RABGAP1: variants seen among roughly 807,000 people sequenced by gnomAD.
The protein encoded by RABGAP1 is RAB GTPase activating protein 1.
A neutral mutation model predicts 137.6 loss-of-function variants in RABGAP1; 23 were observed. That is an observed-to-expected ratio of 0.17 (90% CI 0.12 to 0.24). RABGAP1 has a LOEUF of 0.24. Among genes scored for constraint, RABGAP1 ranks in the 10% least tolerant of loss-of-function variants. RABGAP1 has a pLI of 1.00. For missense variants in RABGAP1, 906 were observed against 1,275.8 expected (o/e 0.71, Z 4.42); for synonymous variants, 451 against 450.7 (o/e 1.00, Z -0.01).
chr9:122,964,011 C>T (rs758981836), intron 2 of RABGAP1, among the ~76,000 whole-genome samples: 5 of 151,918 alleles, frequency 3.3e-5, no homozygotes, highest in Admixed American at 6.6e-5. Context: ...ATTTCTAGAG[C>T]GACACTAACA....
chr9:123,010,575 T>C, intron 11 of RABGAP1, 47 bp downstream of exon 11: 2 of 1,526,408 alleles, frequency 1.3e-6, no homozygotes, highest in African/African-American at 2.7e-5. Context: ...TGGAAGACCA[T>C]GCAAACTATT....
intron 13 of RABGAP1, among the ~76,000 whole-genome samples, chr9:123,026,767 C>T (rs190383953): frequency 2.8e-4 from 43 of 152,292 alleles, no homozygotes; most frequent in Non-Finnish European, 4.7e-4. Flanking sequence ...TTCTTGTTCC[C>T]GGCTTCCAGA....
At chr9:122,981,826 A>T (rs1019366612) in intron 2 of RABGAP1, among the ~76,000 whole-genome samples, 3 of 152,200 alleles carry the variant, frequency 2.0e-5, no homozygotes, top group African/African-American at 7.2e-5. Context: ...AGGTGGGTGG[A>T]TCACTTGAGG....
intron 19 of RABGAP1, among the ~76,000 whole-genome samples, chr9:123,081,329 C>T (rs775510123): frequency 3.3e-5 from 5 of 152,284 alleles, no homozygotes; most frequent in East Asian, 1.9e-4. Flanking sequence ...GCCCCTAACT[C>T]GTGTTGTTCA....
chr9:123,020,419 A>G lies in RABGAP1; in HGVS notation c.1754A>G (p.Asn585Ser), dbSNP rs1268661258. 6.2e-6 allele frequency: 10 copies of G among 1,606,550 alleles called. No homozygotes were observed. Among genetic ancestry groups the G allele is most frequent in the East Asian group, 2.2e-5 (1 of 44,676 alleles). The change falls in exon 13 of 26, where the codon AAT becomes AGT. Residue 585 changes from asparagine (N) to serine (S), a missense_variant. By Grantham distance (46) the Asn-to-Ser change is conservative. Coordinates refer to ENST00000373647, the MANE Select transcript of RABGAP1 (RefSeq NM_012197.4). ...CAGCTGCTAGCAGGCTGTCATAACAATGACCACCTGGTAGAGAAATACCGC... is the reference window on the plus strand; with the variant it reads ...CAGCTGCTAGCAGGCTGTCATAACAGTGACCACCTGGTAGAGAAATACCGC... Reference protein sequence around the residue: ...VWQLLAGCHNNDHLVEKYRIL... With the variant: ...VWQLLAGCHNSDHLVEKYRIL...
chr9:123,100,724 G>C (rs2132249363), intron 24 of RABGAP1, among the ~76,000 whole-genome samples: 1 of 152,244 alleles, frequency 6.6e-6, no homozygotes, highest in Non-Finnish European at 1.5e-5. Flanking sequence ...TGGCCAACCA[G>C]ATCTGGTTTT....
Position 122,996,379 on chromosome 9 carries a change from G to C in RABGAP1, c.1035-160G>C, listed in dbSNP as rs934125123. On this transcript the variant is annotated intron_variant, in intron 7 of 25. Coordinates refer to ENST00000373647, the MANE Select transcript of RABGAP1 (RefSeq NM_012197.4). ...TAATAAAAGGCAAACGGAATTAGCTGACCTTGAAGGAAGGATTATTATTTT... is the reference window on the plus strand; with the variant it reads ...TAATAAAAGGCAAACGGAATTAGCTCACCTTGAAGGAAGGATTATTATTTT... The C allele has an allele frequency of 4.7e-6, 5 of 1,066,818 alleles. No individual in the cohort carries two copies. In the African/African-American group the frequency reaches 6.5e-5, roughly 14 times the overall value. 66.1% of individuals were successfully genotyped at this position (1,066,818 alleles called of 1,614,324 possible). A position where few individuals can be genotyped will look rare whatever the true frequency, so the allele number is the denominator to read the frequency against.
rs59639446 is a variant in RABGAP1 at position 123,047,919 on chromosome 9, G to GTTTTTTTTTTTTTTTTTTTTTTTTTTTT, written c.1795-17420_1795-17393dup. On this transcript the variant is annotated intron_variant, in intron 13 of 25. Coordinates refer to ENST00000373647, the MANE Select transcript of RABGAP1 (RefSeq NM_012197.4). ...TATCTAGCCATTTTACAGCTGCTGGGTTTTTTTTTTTTTTTTTTTTTTTTT... is the reference window on the plus strand; with the variant it reads ...TATCTAGCCATTTTACAGCTGCTGGGTTTTTTTTTTTTTTTTTTTTTTTTTTTTTTTTTTTTTTTTTTTTTTTTTTTTT... Among the ~76,000 whole-genome samples the GTTTTTTTTTTTTTTTTTTTTTTTTTTTT allele has an allele frequency of 9.6e-5, 6 of 62,282 alleles. 2 individuals carry two copies. The highest frequency in any genetic ancestry group is 2.1e-4 in the Non-Finnish European group (6 of 28,026). 40.9% of individuals were successfully genotyped at this position (62,282 alleles called of 152,430 possible). A position where few individuals can be genotyped will look rare whatever the true frequency, so the allele number is the denominator to read the frequency against.
intron 2 of RABGAP1, among the ~76,000 whole-genome samples, chr9:122,980,717 GT>G (rs1224450449): frequency 6.6e-6 from 1 of 152,172 alleles, no homozygotes; most frequent in Admixed American, 6.5e-5. Flanking sequence ...GCAATTAGTC[GT>G]TTTATCATGA....
At chr9:123,036,047 T>G (rs550706322) in intron 13 of RABGAP1, among the ~76,000 whole-genome samples, 9 of 152,342 alleles carry the variant, frequency 5.9e-5, no homozygotes, top group East Asian at 5.8e-4. Flanking sequence ...GCAATTGATT[T>G]CTTCTAACGG....
intron 11 of RABGAP1, among the ~76,000 whole-genome samples, chr9:123,012,567 G>T (rs1159726837): frequency 6.6e-6 from 1 of 152,088 alleles, no homozygotes; most frequent in African/African-American, 2.4e-5. Context: ...AATTTTAGGG[G>T]GTTCAGAAGG....
intron 2 of RABGAP1, among the ~76,000 whole-genome samples, chr9:122,978,864 A>G (rs927223204): frequency 1.1e-4 from 16 of 149,800 alleles, no homozygotes; most frequent in African/African-American, 3.4e-4. Context: ...AGTTGTTTTG[A>G]ATTTTAGTCA....
At chr9:123,098,852 G>A (rs2035260528) in intron 23 of RABGAP1, 54 bp downstream of exon 23, 2 of 1,376,434 alleles carry the variant, frequency 1.5e-6, no homozygotes, top group East Asian at 2.3e-5. Context: ...CCCTAGTCTG[G>A]ATAAAATGTA....
At chr9:123,002,471 T>A (rs2131840405) in intron 10 of RABGAP1, among the ~76,000 whole-genome samples, 1 of 151,420 alleles carries the variant, frequency 6.6e-6, no homozygotes, top group African/African-American at 2.4e-5. Flanking sequence ...CCCTTTAATC[T>A]CATTTTAGTG....
At chr9:122,975,314 G>A (rs1053603826) in intron 2 of RABGAP1, among the ~76,000 whole-genome samples, 1 of 152,088 alleles carries the variant, frequency 6.6e-6, no homozygotes, top group African/African-American at 2.4e-5. Flanking sequence ...GGGCCAAGTT[G>A]GTATTGTTGC....
chr9:123,072,861 A>G (rs2034399115), intron 15 of RABGAP1, among the ~76,000 whole-genome samples: 1 of 152,114 alleles, frequency 6.6e-6, no homozygotes, highest in African/African-American at 2.4e-5. Flanking sequence ...ATTCACACCA[A>G]TCCTTAAATA....
chr9:123,043,900 C>CT (rs1186243080), intron 13 of RABGAP1, among the ~76,000 whole-genome samples: 10,041 of 129,392 alleles, frequency 0.078, 558 homozygotes, highest in African/African-American at 0.1. Flanking sequence ...GTATTATTTT[C>CT]TTTTTTTTTT....
the RABGAP1 span, among the ~76,000 whole-genome samples, chr9:122,932,450 C>T: frequency 6.6e-6 from 1 of 152,166 alleles, no homozygotes; most frequent in African/African-American, 2.4e-5. Flanking sequence ...GTTTTCACTA[C>T]AGCTCATAAG....
At chr9:122,993,963 C>A (rs1305850745) in intron 6 of RABGAP1, among the ~76,000 whole-genome samples, 1 of 152,154 alleles carries the variant, frequency 6.6e-6, no homozygotes, top group East Asian at 1.9e-4. Flanking sequence ...CGTGCCCGAC[C>A]TAAATTGAGC....
Sources: gnomAD v4.1 joint callset for allele counts (sites outside exome capture counted in the v4.1 genomes callset) on GRCh38, gnomAD v4.1.1 for gene constraint, MANE v1.5 for transcripts, NCBI Gene and HGNC (gene_info 2026-07-23, HGNC 2026-07-21) for gene names.